PSEN1: variants seen among roughly 807,000 people sequenced by gnomAD.
The protein encoded by PSEN1 is presenilin 1, also known as presenilin-1.
In PSEN1, 15 loss-of-function variants were observed where a neutral mutation model predicts 53.5. The observed-to-expected ratio is 0.28, with a 90% CI of 0.19 to 0.43. PSEN1 has a LOEUF of 0.43. Among genes scored for constraint, PSEN1 ranks in the 20% least tolerant of loss-of-function variants. The pLI is 1.00. For synonymous variants in PSEN1, 208 were observed against 209.8 expected (o/e 0.99, Z 0.08); for missense variants, 387 against 571.2 (o/e 0.68, Z 3.29).
intron 5 of PSEN1, among the ~76,000 whole-genome samples, chr14:73,176,688 G>A (rs994365568): frequency 6.6e-6 from 1 of 152,214 alleles, no homozygotes; most frequent in African/African-American, 2.4e-5. Flanking sequence ...GACATGTACA[G>A]GACAGTATAG....
intron 5 of PSEN1, among the ~76,000 whole-genome samples, chr14:73,181,111 A>G (rs1898198572): frequency 6.6e-6 from 1 of 152,188 alleles, no homozygotes; most frequent in African/African-American, 2.4e-5. Flanking sequence ...TTGTGGGTTT[A>G]TCCGTATGAG....
intron 3 of PSEN1, among the ~76,000 whole-genome samples, chr14:73,150,950 C>T (rs1897204190): frequency 6.6e-6 from 1 of 151,634 alleles, no homozygotes; most frequent in Admixed American, 6.6e-5. Flanking sequence ...CGCCTGTAGT[C>T]CCAGCTACTT....
intron 3 of PSEN1, among the ~76,000 whole-genome samples, chr14:73,154,203 G>A (rs148475766): frequency 6.6e-6 from 1 of 152,136 alleles, no homozygotes; most frequent in Non-Finnish European, 1.5e-5. Flanking sequence ...ATACCTGTGT[G>A]TATATATTGA....
chr14:73,199,478 G>T (rs1337068573), intron 8 of PSEN1, among the ~76,000 whole-genome samples: 1 of 152,152 alleles, frequency 6.6e-6, no homozygotes, highest in African/African-American at 2.4e-5. Context: ...GCTGCATAGT[G>T]TTCTCTTACG....
At chr14:73,180,547 G>A (rs1032173628) in intron 5 of PSEN1, among the ~76,000 whole-genome samples, 3 of 152,202 alleles carry the variant, frequency 2.0e-5, no homozygotes, top group Non-Finnish European at 4.4e-5. Context: ...TCTGTGGCAA[G>A]CCCTAGAAAC....
chr14:73,198,393 GT>G (rs1899044551), intron 8 of PSEN1, among the ~76,000 whole-genome samples: 1 of 152,212 alleles, frequency 6.6e-6, no homozygotes, highest in Admixed American at 6.5e-5. Flanking sequence ...CCTGTTAGGA[GT>G]TGTTGATTAG....
rs1900101329 is a variant in PSEN1 at position 73,220,683 on chromosome 14, A to G, written c.*1394A>G. On this transcript the variant is annotated 3_prime_UTR_variant, in exon 12 of 12. Coordinates refer to ENST00000324501, the MANE Select transcript of PSEN1 (RefSeq NM_000021.4). ...CAGGTTATTCTCGTCAGCTCCACAA[A>G]TGGGTGCTTTGTGGTCTCTGCCCGC... 6.6e-6 allele frequency: 1 copy of G among 152,196 alleles called. No individual in the cohort carries two copies. The highest frequency in any genetic ancestry group is 1.5e-5 in the Non-Finnish European group (1 of 68,046). The allele number at this position is 152,196 out of a possible 1,614,324, so 9.4% of individuals were successfully genotyped here.
chr14:73,188,344 T>C (rs537979644), intron 6 of PSEN1, among the ~76,000 whole-genome samples: 142 of 152,364 alleles, frequency 9.3e-4, no homozygotes, highest in Non-Finnish European at 1.5e-3. Flanking sequence ...ATTCCTGTTC[T>C]TGATCAGATT....
chr14:73,191,152 T>A (rs540226718), intron 6 of PSEN1, among the ~76,000 whole-genome samples: 4 of 152,324 alleles, frequency 2.6e-5, no homozygotes, highest in Admixed American at 6.5e-5. Context: ...ATTGTTTTTT[T>A]AAAAAAGACA....
chr14:73,173,969 G>A (rs1897970672), intron 5 of PSEN1: 1 of 601,310 alleles, frequency 1.7e-6, no homozygotes, highest in Admixed American at 2.9e-5. Context: ...GGGCAACGTA[G>A]CAAGACCCTG....
intron 3 of PSEN1, among the ~76,000 whole-genome samples, chr14:73,163,518 C>T (rs1897619357): frequency 6.6e-6 from 1 of 152,190 alleles, no homozygotes; most frequent in Non-Finnish European, 1.5e-5. Flanking sequence ...CAGCAAAGGT[C>T]AATAACATGT....
chr14:73,212,146 C>T (rs1357143136), intron 10 of PSEN1, among the ~76,000 whole-genome samples: 1 of 99,048 alleles, frequency 1.0e-5, no homozygotes, highest in Non-Finnish European at 1.8e-5. Context: ...GAGTCTCGCT[C>T]TGTCGCCAGG....
chr14:73,179,996 T>A (rs10141217), intron 5 of PSEN1, among the ~76,000 whole-genome samples: 38,505 of 150,690 alleles, frequency 0.26, 5,184 homozygotes, highest in East Asian at 0.42. Flanking sequence ...ATTTTATTTT[T>A]TTTTTTGAGA....
chr14:73,200,336 C>T (rs187683342), intron 8 of PSEN1, among the ~76,000 whole-genome samples: 6 of 152,256 alleles, frequency 3.9e-5, no homozygotes, highest in Admixed American at 3.3e-4. Flanking sequence ...GTGGCGCAAT[C>T]TCAACTCACT....
At chr14:73,165,852 T>C (rs1676460723) in intron 3 of PSEN1, among the ~76,000 whole-genome samples, 1 of 151,674 alleles carries the variant, frequency 6.6e-6, no homozygotes, top group Non-Finnish European at 1.5e-5. Flanking sequence ...GGTCAGGAGT[T>C]CGAGACCAGC....
chr14:73,212,112 T>C (rs1899723490), intron 10 of PSEN1, among the ~76,000 whole-genome samples, 170 bp downstream of exon 10: 1 of 103,456 alleles, frequency 9.7e-6, no homozygotes, highest in Non-Finnish European at 1.9e-5. Flanking sequence ...TTTTTTTTTT[T>C]TTTTTTTTTT....
In PSEN1 at chr14:73,223,318, CAT is replaced by C. The variant is rs780856298; in HGVS notation, c.*4030_*4031del. The C allele has an allele frequency of 2.0e-5, 3 of 152,248 alleles. No individual in the cohort carries two copies. Among genetic ancestry groups the C allele is most frequent in the African/African-American group, 4.8e-5 (2 of 41,454 alleles). 9.4% of individuals were successfully genotyped at this position (152,248 alleles called of 1,614,324 possible). On this transcript the variant is annotated 3_prime_UTR_variant, in exon 12 of 12. Coordinates refer to ENST00000324501, the MANE Select transcript of PSEN1 (RefSeq NM_000021.4). ...GTGCTGGGTCCACCCTGAGCCCTGACATGTGGTGGCAGCATTGCCAGTTGGTC... is the reference window on the plus strand; with the variant it reads ...GTGCTGGGTCCACCCTGAGCCCTGACGTGGTGGCAGCATTGCCAGTTGGTC...
intron 7 of PSEN1, among the ~76,000 whole-genome samples, chr14:73,193,549 CA>C (rs372716222): frequency 0.45 from 42,094 of 93,044 alleles, 4,919 homozygotes; most frequent in South Asian, 0.6. Context: ...GACTCTGTCT[CA>C]AAAAAAAAAA....
chr14:73,222,416 T>G lies in PSEN1; in HGVS notation c.*3127T>G, dbSNP rs1301389614. 1 of 152,210 alleles carries G rather than the reference T, an allele frequency of 6.6e-6. No homozygotes were observed. Among genetic ancestry groups the G allele is most frequent in the Non-Finnish European group, 1.5e-5 (1 of 68,042 alleles). 9.4% of individuals were successfully genotyped at this position (152,210 alleles called of 1,614,324 possible). On this transcript the variant is annotated 3_prime_UTR_variant, in exon 12 of 12. Transcript: ENST00000324501. ...ACGTGGCCTCAGACAGTGTATGTAT[T>G]CTCGATATAACTTGTAGAGTGTGAA...
Sources: allele counts gnomAD v4.1 joint callset (sites outside exome capture counted in the v4.1 genomes callset), GRCh38; gene constraint gnomAD v4.1.1; transcripts MANE v1.5; gene names NCBI Gene and HGNC (gene_info 2026-07-23, HGNC 2026-07-21).